The following BRI3 variants were observed in gnomAD, a reference collection of about 807,000 sequenced individuals.
BRI3 encodes brain protein I3.
A neutral mutation model predicts 12.8 loss-of-function variants in BRI3; 6 were observed. The observed-to-expected ratio is 0.47, with a 90% CI of 0.26 to 0.93. The LOEUF is 0.93. BRI3 is among the 40% of genes least tolerant of loss of function. BRI3 has a pLI of 0.15. For missense variants in BRI3, 134 were observed against 171.1 expected (o/e 0.78, Z 1.21); for synonymous variants, 91 against 76.1 (o/e 1.20, Z -1.02).
chr7:98,308,204 G>A (rs747069666), exon 2 of BRI3: 5 of 548,502 alleles, frequency 9.1e-6, no homozygotes, highest in South Asian at 7.6e-5. Context: ...GCTTTAGCCA[G>A]GATGGCTCTT....
chr7:98,289,178 G>A (rs965785527), intron 2 of BRI3, among the ~76,000 whole-genome samples: 18 of 152,106 alleles, frequency 1.2e-4, no homozygotes, highest in Non-Finnish European at 2.2e-4. Context: ...GGCTGGTCTC[G>A]AACTCCTGAC....
At chr7:98,287,910 A>G (rs527914234) in intron 2 of BRI3, among the ~76,000 whole-genome samples, 1 of 152,230 alleles carries the variant, frequency 6.6e-6, no homozygotes, top group Non-Finnish European at 1.5e-5. Context: ...CCTCCCAGGC[A>G]TCTCTGGGCC....
At chr7:98,319,876 G>A in the BRI3 span, among the ~76,000 whole-genome samples, 1 of 152,214 alleles carries the variant, frequency 6.6e-6, no homozygotes, top group East Asian at 1.9e-4. Flanking sequence ...AAGATCCCAA[G>A]TGTTAGCGAA....
At chr7:98,305,605 A>G (rs1294547237), upstream of BRI3, among the ~76,000 whole-genome samples, 2 of 151,940 alleles carry the variant, frequency 1.3e-5, no homozygotes, top group African/African-American at 4.8e-5. Context: ...TTTTTTTTGT[A>G]GAGATGGGGA....
downstream of BRI3, chr7:98,293,680 C>A: frequency 2.2e-6 from 3 of 1,369,724 alleles, no homozygotes; most frequent in South Asian, 1.2e-5. Flanking sequence ...CCGTTCTTGC[C>A]CTGTGAGACT....
At position 98,290,178 on chromosome 7, in the gene BRI3, G is replaced by GTTTTTTTT. The variant is rs1200763476; in HGVS notation, c.246-931_246-930insTTTTTTTT. ...CACCAAAATGATCATGCCTCTCAAG[G>GTTTTTTTT]TTGTTTTTTTTTTTTTTTTTTTTTT... On this transcript the variant is annotated intron_variant, in intron 2 of 2. Transcript: ENST00000297290. 2.4e-4 allele frequency among the ~76,000 whole-genome samples: 22 copies of GTTTTTTTT among 92,298 alleles called. 1 individual carries two copies. The highest frequency in any genetic ancestry group is 7.4e-4 in the African/African-American group (21 of 28,348). The allele number at this position is 92,298 out of a possible 152,430, so 60.6% of individuals were successfully genotyped here. A position where few individuals can be genotyped will look rare whatever the true frequency, so the allele number is the denominator to read the frequency against.
At chr7:98,317,232 T>C in the BRI3 span, 1 of 1,614,242 alleles carries the variant, frequency 6.2e-7, no homozygotes, top group East Asian at 2.2e-5. Flanking sequence ...AATTTCTTTG[T>C]GTTCATATTT....
exon 2 of BRI3, chr7:98,307,963 G>T (rs1394280332): frequency 6.9e-7 from 1 of 1,446,948 alleles, no homozygotes; most frequent in Non-Finnish European, 9.7e-7. Context: ...ATTCCAATGA[G>T]CAAACCCCAG....
At chr7:98,294,342 A>G (rs1800097721), downstream of BRI3, among the ~76,000 whole-genome samples, 1 of 152,216 alleles carries the variant, frequency 6.6e-6, no homozygotes, top group African/African-American at 2.4e-5. Flanking sequence ...TCTAAAACAT[A>G]AGGGATGTTT....
downstream of BRI3, chr7:98,292,494 CA>C: frequency 1.3e-6 from 1 of 798,230 alleles, no homozygotes; most frequent in Admixed American, 2.6e-5. Context: ...CTCTCCACTC[CA>C]AAATAGGTCC....
chr7:98,296,887 C>T (rs1235915305), downstream of BRI3, among the ~76,000 whole-genome samples: 2 of 152,200 alleles, frequency 1.3e-5, no homozygotes, highest in East Asian at 3.9e-4. Flanking sequence ...TCCCTGCGTC[C>T]CTGTCTCAAC....
intron 2 of BRI3, 71 bp from the exon 3 acceptor site, chr7:98,291,040 G>A (rs1799925522): frequency 1.3e-6 from 2 of 1,570,032 alleles, no homozygotes; most frequent in African/African-American, 1.4e-5. Context: ...TGAATGCAAG[G>A]GTGGCAGGGG....
intron 2 of BRI3, among the ~76,000 whole-genome samples, chr7:98,290,025 C>T (rs1026725600): frequency 7.2e-5 from 11 of 152,078 alleles, no homozygotes; most frequent in Admixed American, 2.6e-4. Flanking sequence ...TGAACATGGC[C>T]GACTGTAGTC....
intron 1 of BRI3, chr7:98,307,374 G>A: frequency 1.7e-6 from 2 of 1,167,400 alleles, no homozygotes; most frequent in Non-Finnish European, 2.1e-6. Flanking sequence ...CCAAAGTGCT[G>A]GGATTACAAG....
In BRI3 at chr7:98,291,306, CAAT is replaced by C; in HGVS notation, c.*67_*69del. 6.2e-7 allele frequency: 1 copy of C among 1,600,654 alleles called. No homozygotes were observed. The highest frequency in any genetic ancestry group is 2.2e-5 in the East Asian group (1 of 44,724). ...CTTTTTCTAATGTAAATGTTGTGTA[CAAT>C]AATTTTATTTGATTAAGCTTCAGGA... On this transcript the variant is annotated 3_prime_UTR_variant, in exon 3 of 3. Coordinates refer to ENST00000297290, the MANE Select transcript of BRI3 (RefSeq NM_015379.5).
At chr7:98,283,538 G>T (rs1422113751) in intron 2 of BRI3, among the ~76,000 whole-genome samples, 1 of 152,102 alleles carries the variant, frequency 6.6e-6, no homozygotes, top group East Asian at 1.9e-4. Flanking sequence ...GAAGGTGGAG[G>T]GAGGGCAGGG....
chr7:98,282,636 C>T, intron 2 of BRI3, 183 bp downstream of exon 2: 2 of 596,138 alleles, frequency 3.4e-6, no homozygotes, highest in Non-Finnish European at 6.0e-6. Context: ...CGGGTCCGCT[C>T]ACCCTTGGCT....
At chr7:98,292,527 G>T (rs916300817), downstream of BRI3, 31 of 1,055,152 alleles carry the variant, frequency 2.9e-5, no homozygotes, top group Non-Finnish European at 4.1e-5. Context: ...AGCCAAAGAT[G>T]ATTTCCAGCC....
chr7:98,300,304 T>C (rs1225817680), intron 1 of BRI3, among the ~76,000 whole-genome samples: 1 of 152,138 alleles, frequency 6.6e-6, no homozygotes, highest in Admixed American at 6.5e-5. Context: ...CACCAATGCG[T>C]CTGTAGGCTG....
Sources: gnomAD v4.1 joint callset for allele counts (sites outside exome capture counted in the v4.1 genomes callset) on GRCh38, gnomAD v4.1.1 for gene constraint, MANE v1.5 for transcripts, NCBI Gene and HGNC (gene_info 2026-07-23, HGNC 2026-07-21) for gene names.